FCRL3: variants seen among roughly 807,000 people sequenced by gnomAD.
The protein encoded by FCRL3 is Fc receptor-like protein 3.
Under a neutral mutation model 75.0 loss-of-function variants are expected in FCRL3, and 89 were observed. The ratio of observed to expected loss-of-function variants is 1.19; its 90% CI spans 1.00 to 1.42. The LOEUF (loss-of-function observed/expected upper bound fraction) is 1.42. Among genes scored for constraint, FCRL3 ranks in the 40% most tolerant of loss-of-function variants. The pLI is 0.00. For missense variants in FCRL3, 946 were observed against 880.0 expected (o/e 1.07, Z -0.95); for synonymous variants, 376 against 348.5 (o/e 1.08, Z -0.88).
Position 157,676,949 on chromosome 1 carries a change from A to G in FCRL3, c.*1761T>C, listed in dbSNP as rs1487140725. The G allele has an allele frequency of 1.4e-6, 2 of 1,406,202 alleles. No homozygotes were observed. Among genetic ancestry groups the G allele is most frequent in the South Asian group, 1.5e-5 (1 of 64,996 alleles). 87.1% of individuals were successfully genotyped at this position (1,406,202 alleles called of 1,614,324 possible). ...CGGTTTACATATTTTCACCATAGAG[A>G]AAAAAACAGCAGAATGTATCACATA... On this transcript the variant is annotated 3_prime_UTR_variant, in exon 15 of 15. Coordinates refer to ENST00000368184, the MANE Select transcript of FCRL3 (RefSeq NM_052939.4).
rs761285739 is a variant in FCRL3 at position 157,696,243 on chromosome 1, G to A, written c.929C>T (p.Ser310Leu). The change falls in exon 7 of 15, where the codon TCA becomes TTA. Residue 310 changes from serine (S) to leucine (L), a missense_variant. Transcript: ENST00000368184. ...GACAGTCCCTGAACCCTGGGCTACT[G>A]AGCAAATAAGGACCATATTTTCTCC... The part of the protein sequence containing the change: ...IEGENMVLIC[S>L]VAQGSGTVTF... The A allele has an allele frequency of 4.3e-6, 7 of 1,613,856 alleles. No individual in the cohort carries two copies. In the African/African-American group the frequency reaches 5.3e-5, roughly 12 times the overall value.
At chr1:157,687,063 C>A (rs1205538839) in intron 10 of FCRL3, among the ~76,000 whole-genome samples, 1 of 151,376 alleles carries the variant, frequency 6.6e-6, no homozygotes, top group Non-Finnish European at 1.5e-5. Flanking sequence ...AATGTTGAGA[C>A]CTGTAAGGAA....
In FCRL3 at chr1:157,684,768, T is replaced by A. The variant is rs182872360; in HGVS notation, c.1811-1524A>T. Among the ~76,000 whole-genome samples the A allele has an allele frequency of 2.6e-3, 398 of 152,292 alleles. 1 individual carries two copies. Among genetic ancestry groups the A allele is most frequent in the Non-Finnish European group, 4.4e-3 (299 of 68,016 alleles). On this transcript the variant is annotated intron_variant, in intron 10 of 14. Transcript: ENST00000368184. ...TGCCCAATATCAAGTTGGCAAGTTT[T>A]GTTACTGGAATTTCAACACAGCCAG...
In FCRL3 at chr1:157,677,489, T is replaced by G. The variant is rs1654532456; in HGVS notation, c.*1221A>C. 4.1e-6 allele frequency: 4 copies of G among 985,458 alleles called. No individual in the cohort carries two copies. Among genetic ancestry groups the G allele is most frequent in the Non-Finnish European group, 3.6e-6 (3 of 829,920 alleles). The allele number at this position is 985,458 out of a possible 1,614,324, so 61.0% of individuals were successfully genotyped here. Reference sequence around the variant, plus strand: ...AGGACTTGAGGTGTTCAGAGATATTTGGAAACATCAGGATTTCAGAATGGA... The same window carrying G: ...AGGACTTGAGGTGTTCAGAGATATTGGGAAACATCAGGATTTCAGAATGGA... On this transcript the variant is annotated 3_prime_UTR_variant, in exon 15 of 15. Coordinates refer to ENST00000368184, the MANE Select transcript of FCRL3 (RefSeq NM_052939.4).
At chr1:157,695,254 G>A in intron 8 of FCRL3, 75 bp downstream of exon 8, 1 of 1,467,122 alleles carries the variant, frequency 6.8e-7, no homozygotes. Flanking sequence ...CCAGCAAATA[G>A]CCCAGTGGAG....
In FCRL3 at chr1:157,677,026, T is replaced by C. The variant is rs890396880; in HGVS notation, c.*1684A>G. ...TCTTCAAGGGACCTTAAAATTTTAA[T>C]GCCAATATGAACATGAACTGGCAGA... On this transcript the variant is annotated 3_prime_UTR_variant, in exon 15 of 15. Transcript: ENST00000368184. 17 of 1,256,248 alleles carry C rather than the reference T, an allele frequency of 1.4e-5. No individual in the cohort carries two copies. The African/African-American group carries it at 2.4e-4, about 18-fold the overall frequency. 77.8% of individuals were successfully genotyped at this position (1,256,248 alleles called of 1,614,324 possible).
Position 157,697,360 on chromosome 1 carries a change from G to A in FCRL3, c.624C>T (p.Thr208=), listed in dbSNP as rs773223997. 2 of 1,600,014 alleles carry A rather than the reference G, an allele frequency of 1.2e-6. No homozygotes were observed. The highest frequency in any genetic ancestry group is 1.1e-5 in the South Asian group (1 of 88,504). Residue 208 remains threonine (T), a synonymous_variant, in exon 6 of 15, where the codon ACC becomes ACT. Transcript: ENST00000368184. ...GAGAGAGCTGGGTCTCACAGGTCAG[G>A]GTCATGGGACTCCCCTCTATGGGCG... ...SSTPIEGSPM[T]LTCETQLSPQ...
At chr1:157,700,317 G>C in intron 2 of FCRL3, 142 bp downstream of exon 2, 1 of 1,278,310 alleles carries the variant, frequency 7.8e-7, no homozygotes. Flanking sequence ...TGGTTGTCCA[G>C]GGAACCCAGC....
intron 7 of FCRL3, chr1:157,695,824 C>A: frequency 1.4e-6 from 1 of 709,518 alleles, no homozygotes. Context: ...GTCTTCCCCG[C>A]AAGAAGTAAG....
intron 9 of FCRL3, 108 bp from the exon 10 acceptor site, chr1:157,690,025 T>G (rs1230425137): frequency 2.0e-6 from 3 of 1,500,140 alleles, no homozygotes; most frequent in Non-Finnish European, 2.7e-6. Flanking sequence ...TCCTGTAGCA[T>G]CATTTGTAAT....
chr1:157,680,295 A>G (rs1465595893), intron 13 of FCRL3, among the ~76,000 whole-genome samples: 1 of 152,200 alleles, frequency 6.6e-6, no homozygotes, highest in Non-Finnish European at 1.5e-5. Context: ...TGAACAATAG[A>G]GCACCTCAAA....
In FCRL3 at chr1:157,678,829, T is replaced by A; in HGVS notation, c.2086A>T (p.Lys696Ter). 1 of 1,614,012 alleles carries A rather than the reference T, an allele frequency of 6.2e-7. No individual in the cohort carries two copies. Among genetic ancestry groups the A allele is most frequent in the Non-Finnish European group, 8.5e-7 (1 of 1,179,986 alleles). Residue 696 changes from lysine (K) to a stop codon, truncating the protein, a stop_gained, in exon 15 of 15, where the codon AAG becomes TAG. Coordinates refer to ENST00000368184, the MANE Select transcript of FCRL3 (RefSeq NM_052939.4). LOFTEE classifies it low-confidence loss of function (END_TRUNC). ...GCAGAGTCGTCTGGGTGTGTCTTCT[T>A]CAGTTCTGAATAGAGGACTGTAAGT... ...EELTVLYSEL[K>*]KTHPDDSAGE...
intron 6 of FCRL3, 197 bp downstream of exon 6, chr1:157,696,943 A>G: frequency 2.4e-6 from 1 of 425,184 alleles, no homozygotes; most frequent in South Asian, 1.1e-4. Flanking sequence ...TAACTGATCA[A>G]TAATTACTAT....
chr1:157,679,830 C>CA (rs1166825112), intron 13 of FCRL3, among the ~76,000 whole-genome samples: 19,529 of 48,654 alleles, frequency 0.4, 7,551 homozygotes, highest in Non-Finnish European at 0.46. Flanking sequence ...CCCCATCTCA[C>CA]AAAAAAAAAA....
Position 157,700,633 on chromosome 1 carries a change from T to C in FCRL3, c.-97+29A>G, listed in dbSNP as rs534063249. The stretch of plus-strand genomic sequence containing the variant: ...GAAGAGCTTAGTGTCATATTTTGCT[T>C]TGGGCTCTGAAAATGTGAATGTGGC... On this transcript the variant is annotated intron_variant, in intron 1 of 14. Coordinates refer to ENST00000368184, the MANE Select transcript of FCRL3 (RefSeq NM_052939.4). 24 of 1,507,482 alleles carry C rather than the reference T, an allele frequency of 1.6e-5. No individual in the cohort carries two copies. The South Asian group carries it at 2.2e-4, about 14-fold the overall frequency. 93.4% of individuals were successfully genotyped at this position (1,507,482 alleles called of 1,614,324 possible).
At position 157,677,856 on chromosome 1, in the gene FCRL3, A is replaced by C. The variant is rs945984265; in HGVS notation, c.*854T>G. 3 of 691,636 alleles carry C rather than the reference A, an allele frequency of 4.3e-6. No homozygotes were observed. In the African/African-American group the frequency reaches 5.9e-5, roughly 14 times the overall value. 42.8% of individuals were successfully genotyped at this position (691,636 alleles called of 1,614,324 possible). A position where few individuals can be genotyped will look rare whatever the true frequency, so the allele number is the denominator to read the frequency against. On this transcript the variant is annotated 3_prime_UTR_variant, in exon 15 of 15. Coordinates refer to ENST00000368184, the MANE Select transcript of FCRL3 (RefSeq NM_052939.4). ...GGAGAGCATGGGAATAATGAACATG[A>C]GATTTAGAATGGTTTTTTATCAGAT...
Position 157,700,510 on chromosome 1 carries a change from G to A in FCRL3, c.-21C>T. The stretch of plus-strand genomic sequence containing the variant: ...AGCATGGGCACCGGCCGGGCAGAGG[G>A]TTGGGAAAGTCTGTCTCACCAAAAG... On this transcript the variant is annotated 5_prime_UTR_variant, in exon 2 of 15. Coordinates refer to ENST00000368184, the MANE Select transcript of FCRL3 (RefSeq NM_052939.4). 3 of 1,614,046 alleles carry A rather than the reference G, an allele frequency of 1.9e-6. No individual in the cohort carries two copies. The highest frequency in any genetic ancestry group is 2.5e-6 in the Non-Finnish European group (3 of 1,179,972).
chr1:157,699,320 C>T (rs1656161977), intron 3 of FCRL3, among the ~76,000 whole-genome samples: 1 of 152,152 alleles, frequency 6.6e-6, no homozygotes, highest in Admixed American at 6.5e-5. Flanking sequence ...GCATCTTCCT[C>T]CGTGGATGGG....
chr1:157,680,676 C>T, intron 13 of FCRL3, 26 bp downstream of exon 13: 1 of 1,604,406 alleles, frequency 6.2e-7, no homozygotes, highest in South Asian at 1.1e-5. Context: ...GCCACCTCAC[C>T]TCTATTTGCC....
Sources: gnomAD v4.1 joint callset for allele counts (sites outside exome capture counted in the v4.1 genomes callset) on GRCh38, gnomAD v4.1.1 for gene constraint, MANE v1.5 for transcripts, NCBI Gene and HGNC (gene_info 2026-07-23, HGNC 2026-07-21) for gene names.